RP2: variants seen among roughly 807,000 people sequenced by gnomAD.
RP2 encodes protein XRP2.
Under a neutral mutation model 20.3 loss-of-function variants are expected in RP2, and 3 were observed. The ratio of observed to expected loss-of-function variants is 0.15; its 90% CI spans 0.07 to 0.38. The LOEUF (loss-of-function observed/expected upper bound fraction) is 0.38. Among genes scored for constraint, RP2 ranks in the 10% least tolerant of loss-of-function variants. RP2 has a pLI of 1.00. For synonymous variants in RP2, 75 were observed against 94.8 expected (o/e 0.79, Z 1.22); for missense variants, 233 against 268.5 (o/e 0.87, Z 0.92).
chrX:46,877,212 G>T (rs1925385156), intron 3 of RP2, among the ~76,000 whole-genome samples: 1 of 112,136 alleles, frequency 8.9e-6, no homozygotes, highest in Non-Finnish European at 1.9e-5. Context: ...AATTTCTGTG[G>T]TTTTTATAGA....
intron 1 of RP2, among the ~76,000 whole-genome samples, chrX:46,840,205 C>G (rs1235525460): frequency 8.9e-6 from 1 of 112,269 alleles, no homozygotes; most frequent in African/African-American, 3.2e-5. Context: ...GTCCTGAACT[C>G]CTGACCTCAG....
At chrX:46,847,744 ATGTGTGTGTG>A (rs1300579798) in intron 1 of RP2, among the ~76,000 whole-genome samples, 2 of 81,529 alleles carry the variant, frequency 2.5e-5, no homozygotes, top group Non-Finnish European at 2.4e-5. Context: ...ATACACACAT[ATGTGTGTGTG>A]TATATACACA....
Position 46,854,187 on chromosome X carries a change from ATG to A in RP2, c.768+48_768+49del, listed in dbSNP as rs1300828458. On this transcript the variant is annotated intron_variant, in intron 2 of 4. Coordinates refer to ENST00000218340, the MANE Select transcript of RP2 (RefSeq NM_006915.3). ...AATAGTCATACACCTAGATTTAAAAATGTACCACTCTGGAGTACTTCCATTCT... is the reference window on the plus strand; with the variant it reads ...AATAGTCATACACCTAGATTTAAAAATACCACTCTGGAGTACTTCCATTCT... 16 of 1,119,865 alleles carry A rather than the reference ATG, an allele frequency of 1.4e-5. No homozygotes were observed. The African/African-American group carries it at 2.7e-4, about 19-fold the overall frequency. 92.3% of individuals were successfully genotyped at this position (1,119,865 alleles called of 1,213,427 possible). A position where few individuals can be genotyped will look rare whatever the true frequency, so the allele number is the denominator to read the frequency against.
chrX:46,880,598 G>A lies in RP2; in HGVS notation c.*829G>A. 8.9e-6 allele frequency: 1 copy of A among 111,821 alleles called. No homozygotes were observed. Among genetic ancestry groups the A allele is most frequent in the Middle Eastern group, 4.6e-3 (1 of 216 alleles). The allele number at this position is 111,821 out of a possible 1,213,427, so 9.2% of individuals were successfully genotyped here. Reference sequence around the variant, plus strand: ...CTCTTGTGGGCTATCAAGAGAATTGGAACAAAACCTTGTGACTTTTAGGTA... The same window carrying A: ...CTCTTGTGGGCTATCAAGAGAATTGAAACAAAACCTTGTGACTTTTAGGTA... On this transcript the variant is annotated 3_prime_UTR_variant, in exon 5 of 5. Transcript: ENST00000218340.
At chrX:46,866,169 T>A (rs782360927) in intron 3 of RP2, among the ~76,000 whole-genome samples, 30 of 111,396 alleles carry the variant, frequency 2.7e-4, no homozygotes, top group Non-Finnish European at 4.9e-4. Context: ...TTTTCCTTGC[T>A]CCAGAACTAG....
rs1924897055 is a variant in RP2, at chrX:46,853,544, A to G, written c.171A>G (p.Val57=). ...CAGTAGGTCGCTTACCTGGGACGGT[A>G]GCAGGACAACAGTTTCTCATTCAAG... ...DETVGRLPGT[V]AGQQFLIQDC... is the part of the protein sequence containing the mutation. Residue 57 remains valine (V), a synonymous_variant, in exon 2 of 5, where the codon GTA becomes GTG. Transcript: ENST00000218340. 1 of 1,211,385 alleles carries G rather than the reference A, an allele frequency of 8.3e-7. No homozygotes were observed. Among genetic ancestry groups the G allele is most frequent in the Non-Finnish European group, 1.1e-6 (1 of 895,094 alleles).
chrX:46,851,009 A>C (rs1158613675), intron 1 of RP2, among the ~76,000 whole-genome samples: 1 of 111,789 alleles, frequency 8.9e-6, no homozygotes, highest in Non-Finnish European at 1.9e-5. Flanking sequence ...TTATTGCCTC[A>C]TACTGCAGAC....
At chrX:46,863,528 T>C (rs1161614996) in intron 3 of RP2, among the ~76,000 whole-genome samples, 4 of 112,277 alleles carry the variant, frequency 3.6e-5, no homozygotes, top group Non-Finnish European at 7.5e-5. Context: ...AGGAGTTGGA[T>C]GGACTGGGCC....
chrX:46,848,762 C>T (rs958236931), intron 1 of RP2, among the ~76,000 whole-genome samples: 6 of 109,496 alleles, frequency 5.5e-5, no homozygotes, highest in Non-Finnish European at 1.1e-4. Flanking sequence ...GACACGGTGG[C>T]GCATGCCTGT....
intron 3 of RP2, among the ~76,000 whole-genome samples, chrX:46,863,310 GT>G (rs1346475665): frequency 6.2e-5 from 7 of 112,488 alleles, no homozygotes; most frequent in Non-Finnish European, 1.3e-4. Context: ...GATAGATGGT[GT>G]TTATTTTGTA....
intron 1 of RP2, among the ~76,000 whole-genome samples, chrX:46,851,600 C>T (rs1924860357): frequency 9.3e-6 from 1 of 107,095 alleles, no homozygotes; most frequent in Admixed American, 1.0e-4. Flanking sequence ...TGCGCCATTG[C>T]ACTCCAGCCT....
At chrX:46,866,496 C>A (rs1431897077) in intron 3 of RP2, among the ~76,000 whole-genome samples, 1 of 111,364 alleles carries the variant, frequency 9.0e-6, no homozygotes, top group African/African-American at 3.3e-5. Context: ...TCCATTATGT[C>A]CATTTTATTC....
At position 46,837,126 on chromosome X, in the gene RP2, G is replaced by T. The variant is rs1351349465; in HGVS notation, c.26G>T (p.Arg9Leu). The change falls in exon 1 of 5, where the codon CGG (arginine) becomes CTG (leucine). Residue 9 changes from arginine to leucine, a missense_variant. By Grantham distance (102) the Arg-to-Leu change is moderately radical (BLOSUM62 -2). Coordinates refer to ENST00000218340, the MANE Select transcript of RP2 (RefSeq NM_006915.3). ...ATGGGCTGCTTCTTCTCCAAGAGAC[G>T]GAAGGCTGACAAGGAGTCGCGGCCC... is the stretch of plus-strand genomic sequence containing the variant. MGCFFSKRRKADKESRPEN... is the reference protein window; with the variant it reads MGCFFSKRLKADKESRPEN... 1.7e-6 allele frequency: 2 copies of T among 1,167,922 alleles called. No individual in the cohort carries two copies. Among genetic ancestry groups the T allele is most frequent in the Non-Finnish European group, 2.3e-6 (2 of 873,708 alleles).
chrX:46,847,776 G>GTA lies in RP2; in HGVS notation c.103-5699_103-5698dup, dbSNP rs782798784. 6.7e-5 allele frequency among the ~76,000 whole-genome samples: 5 copies of GTA among 74,606 alleles called. No individual in the cohort carries two copies. The South Asian group carries it at 2.4e-3, about 35-fold the overall frequency. The allele number at this position is 74,606 out of a possible 115,157, so 64.8% of individuals were successfully genotyped here. A position where few individuals can be genotyped will look rare whatever the true frequency, so the allele number is the denominator to read the frequency against. ...TGTGTATATACACACATGTGTGTGT[G>GTA]TACATACACACATGTGTGTGTGTAT... is the stretch of plus-strand genomic sequence containing the variant. On this transcript the variant is annotated intron_variant, in intron 1 of 4. Transcript: ENST00000218340.
At chrX:46,841,383 C>T (rs1924620096) in intron 1 of RP2, among the ~76,000 whole-genome samples, 2 of 112,192 alleles carry the variant, frequency 1.8e-5, no homozygotes, top group Admixed American at 1.9e-4. Context: ...AAAATAATGG[C>T]AGATATTTTG....
intron 3 of RP2, among the ~76,000 whole-genome samples, chrX:46,873,349 G>T (rs1195864028): frequency 9.0e-6 from 1 of 111,701 alleles, no homozygotes; most frequent in Non-Finnish European, 1.9e-5. Context: ...AAGCTACCAT[G>T]AACTCTCTGA....
At chrX:46,839,040 G>T (rs782337306) in intron 1 of RP2, among the ~76,000 whole-genome samples, 1 of 111,664 alleles carries the variant, frequency 9.0e-6, no homozygotes, top group Admixed American at 9.6e-5. Context: ...CAATCAAAAT[G>T]AGAATTTCTA....
chrX:46,848,908 A>C (rs1328281213), intron 1 of RP2, among the ~76,000 whole-genome samples: 3 of 107,808 alleles, frequency 2.8e-5, no homozygotes, highest in Non-Finnish European at 5.8e-5. Context: ...GTGCACTTGT[A>C]GTCCCAGCTA....
intron 1 of RP2, among the ~76,000 whole-genome samples, chrX:46,846,548 C>T (rs1209088820): frequency 1.8e-5 from 2 of 110,284 alleles, no homozygotes; most frequent in Admixed American, 1.9e-4. Context: ...GATTGCACCA[C>T]TGCACTCCAG....
Sources: gnomAD v4.1 joint callset for allele counts (sites outside exome capture counted in the v4.1 genomes callset) on GRCh38, gnomAD v4.1.1 for gene constraint, MANE v1.5 for transcripts, NCBI Gene and HGNC (gene_info 2026-07-23, HGNC 2026-07-21) for gene names.